The following HUNK variants were observed in gnomAD, a reference collection of about 807,000 sequenced individuals.
HUNK encodes the protein hormonally up-regulated Neu-associated kinase, also known as hormonally up-regulated neu tumor-associated kinase.
In HUNK, 21 loss-of-function variants were observed where a neutral mutation model predicts 61.0. The ratio of observed to expected loss-of-function variants is 0.34; its 90% confidence interval spans 0.24 to 0.50. HUNK has a LOEUF of 0.50. HUNK is among the 20% of genes least tolerant of loss of function. The probability of loss-of-function intolerance (pLI) is 0.98; values close to 1 mark genes in which losing one functional copy is unlikely to be tolerated. For synonymous variants in HUNK, 371 were observed against 386.1 expected, an observed-to-expected ratio of 0.96 and a Z score of 0.46; for missense variants, 772 against 945.7, an observed-to-expected ratio of 0.82 and a Z score of 2.41.
At chr21:31,938,824 T>C (rs1421292679) in intron 2 of HUNK, among the ~76,000 whole-genome samples, 2 of 152,228 alleles carry the variant, frequency 1.3e-5, no homozygotes, top group Admixed American at 1.3e-4. Flanking sequence ...TATGCCTGCA[T>C]TGGCAGGCTA....
intron 6 of HUNK, among the ~76,000 whole-genome samples, chr21:31,973,712 C>A (rs982837447): frequency 2.6e-5 from 4 of 152,092 alleles, no homozygotes; most frequent in African/African-American, 9.7e-5. Flanking sequence ...TGACCCTGGG[C>A]AAGGTACTGC....
chr21:31,886,835 G>A (rs1034791531), intron 1 of HUNK, among the ~76,000 whole-genome samples: 13 of 152,006 alleles, frequency 8.6e-5, no homozygotes, highest in African/African-American at 1.9e-4. Flanking sequence ...TAGTAGAAAC[G>A]GAGTCAGGCT....
At chr21:31,960,523 A>G (rs1306147176) in intron 5 of HUNK, among the ~76,000 whole-genome samples, 1 of 152,220 alleles carries the variant, frequency 6.6e-6, no homozygotes, top group East Asian at 1.9e-4. Flanking sequence ...CATGCTGCTA[A>G]TAAAGACATA....
intron 1 of HUNK, among the ~76,000 whole-genome samples, chr21:31,916,743 C>A (rs1044522945): frequency 6.6e-6 from 1 of 151,102 alleles, no homozygotes; most frequent in African/African-American, 2.4e-5. Flanking sequence ...ATGGAGCTTT[C>A]TTGGCTCACT....
intron 6 of HUNK, among the ~76,000 whole-genome samples, chr21:31,972,936 G>A (rs565851110): frequency 4.6e-5 from 7 of 152,228 alleles, no homozygotes; most frequent in South Asian, 2.1e-4. Flanking sequence ...CCAACCGGCC[G>A]TGTGCAGTGG....
At chr21:31,888,045 T>C (rs543644191) in intron 1 of HUNK, among the ~76,000 whole-genome samples, 12 of 152,270 alleles carry the variant, frequency 7.9e-5, no homozygotes, top group Admixed American at 6.5e-4. Context: ...CTCTTCATAG[T>C]AGCCTTTTGT....
intron 1 of HUNK, among the ~76,000 whole-genome samples, chr21:31,911,638 C>T (rs1409415359): frequency 5.3e-5 from 8 of 152,000 alleles, no homozygotes; most frequent in East Asian, 1.9e-4. Context: ...CCTCTAGATT[C>T]GCTGCTCTGG....
chr21:31,882,993 G>T (rs557662757), intron 1 of HUNK, among the ~76,000 whole-genome samples: 2 of 151,416 alleles, frequency 1.3e-5, no homozygotes, highest in South Asian at 4.2e-4. Context: ...ACCATCCCTT[G>T]TTGATGGACA....
At chr21:31,986,753 G>A (rs1339767650) in intron 8 of HUNK, among the ~76,000 whole-genome samples, 2 of 152,114 alleles carry the variant, frequency 1.3e-5, no homozygotes, top group Non-Finnish European at 2.9e-5. Flanking sequence ...CTTCCAGAGT[G>A]TTTTCCCTGC....
chr21:31,957,729 T>C (rs1211754291), intron 4 of HUNK, among the ~76,000 whole-genome samples: 1 of 152,196 alleles, frequency 6.6e-6, no homozygotes, highest in African/African-American at 2.4e-5. Flanking sequence ...TGGCTTTGGA[T>C]AGGTGCAGTT....
intron 5 of HUNK, among the ~76,000 whole-genome samples, chr21:31,967,049 C>T (rs764749861): frequency 2.0e-5 from 3 of 152,086 alleles, no homozygotes; most frequent in Admixed American, 6.6e-5. Context: ...ATTTTGCAGC[C>T]TTAGAAGGGC....
intron 2 of HUNK, among the ~76,000 whole-genome samples, chr21:31,932,435 T>TG (rs950417301): frequency 2.0e-5 from 3 of 151,990 alleles, no homozygotes; most frequent in Non-Finnish European, 1.5e-5. Context: ...AAGGAGAGTC[T>TG]GGGTGGGTGG....
rs1325346430 is a variant in HUNK at position 32,001,423 on chromosome 21, G to A, written c.*2239G>A. 4 of 152,158 alleles carry A rather than the reference G, an allele frequency of 2.6e-5. No homozygotes were observed. Among genetic ancestry groups the A allele is most frequent in the Non-Finnish European group, 2.9e-5 (2 of 68,032 alleles). 9.4% of individuals were successfully genotyped at this position (152,158 alleles called of 1,614,324 possible). ...GCAGGCTTGCAGGGTGTATACCTGC[G>A]CATTGGGAACTTGCTGGAACCCCTG... On this transcript the variant is annotated 3_prime_UTR_variant, in exon 11 of 11. Coordinates refer to ENST00000270112, the MANE Select transcript of HUNK (RefSeq NM_014586.2).
chr21:31,874,696 C>T (rs2052246905), intron 1 of HUNK, among the ~76,000 whole-genome samples: 1 of 151,718 alleles, frequency 6.6e-6, no homozygotes, highest in South Asian at 2.1e-4. Flanking sequence ...GCAGTGAAGA[C>T]CCTGCTACTG....
intron 9 of HUNK, among the ~76,000 whole-genome samples, chr21:31,993,134 C>A (rs1349052714): frequency 6.6e-6 from 1 of 152,144 alleles, no homozygotes; most frequent in African/African-American, 2.4e-5. Flanking sequence ...CCCATAGCAG[C>A]TTTCTGCTCA....
Position 31,873,655 on chromosome 21 carries a change from C to T in HUNK, c.-20C>T. 1.2e-6 allele frequency: 1 copy of T among 840,030 alleles called. No homozygotes were observed. Among genetic ancestry groups the T allele is most frequent in the Non-Finnish European group, 1.3e-6 (1 of 766,104 alleles). 52.0% of individuals were successfully genotyped at this position (840,030 alleles called of 1,614,324 possible). On this transcript the variant is annotated 5_prime_UTR_variant, in exon 1 of 11. Transcript: ENST00000270112. The surrounding 1 kb of genome is among the most constrained non-coding windows in gnomAD (Gnocchi z 6.1). Reference sequence around the variant, plus strand: ...GAGCGCGGGAGACGAGCAGGAGCCGCGCGGGCCGCGGCGAGCGCGATGCCG... The same window carrying T: ...GAGCGCGGGAGACGAGCAGGAGCCGTGCGGGCCGCGGCGAGCGCGATGCCG...
At chr21:31,972,707 A>G (rs981815608) in intron 6 of HUNK, among the ~76,000 whole-genome samples, 13 of 152,220 alleles carry the variant, frequency 8.5e-5, no homozygotes, top group Admixed American at 8.5e-4. Context: ...TTAAGCCAGT[A>G]ATCGTGCCAA....
chr21:31,901,657 T>G (rs2052468759), intron 1 of HUNK, among the ~76,000 whole-genome samples: 1 of 152,196 alleles, frequency 6.6e-6, no homozygotes, highest in Admixed American at 6.5e-5. Flanking sequence ...ATACTGTTTC[T>G]CCCTCTGCAA....
At chr21:31,987,486 A>C (rs557508326) in intron 8 of HUNK, among the ~76,000 whole-genome samples, 3 of 152,296 alleles carry the variant, frequency 2.0e-5, no homozygotes, top group Non-Finnish European at 4.4e-5. Flanking sequence ...CCCCACTGCG[A>C]GTGTGTGTCG....
Sources: gnomAD v4.1 joint callset for allele counts (sites outside exome capture counted in the v4.1 genomes callset) on GRCh38, gnomAD v4.1.1 for gene constraint, Gnocchi (gnomAD v3.1) non-coding constraint, MANE v1.5 for transcripts, NCBI Gene and HGNC (gene_info 2026-07-23, HGNC 2026-07-21) for gene names.